Variants in RNF130 observed in about 807,000 individuals in gnomAD.
RNF130 encodes the protein ring finger protein 130.
RNF130 carries 21 observed loss-of-function variants against 44.6 expected under a neutral mutation model. That is an observed-to-expected ratio of 0.47 (90% CI 0.33 to 0.68). The LOEUF is 0.68. RNF130 is among the 30% of genes least tolerant of loss of function. The probability of loss-of-function intolerance (pLI) is 0.02; values close to 1 mark genes in which losing one functional copy is unlikely to be tolerated. For missense variants in RNF130, 479 were observed against 560.6 expected (o/e 0.85, Z 1.47); for synonymous variants, 214 against 210.4 (o/e 1.02, Z -0.15).
chr5:180,035,108 CCT>C (rs1235698394), intron 2 of RNF130, among the ~76,000 whole-genome samples: 3 of 152,066 alleles, frequency 2.0e-5, no homozygotes, highest in Non-Finnish European at 4.4e-5. Context: ...TTTGTTTGTT[CCT>C]CTTTTTTATA....
chr5:179,989,451 T>C (rs752800850), intron 3 of RNF130, among the ~76,000 whole-genome samples: 4 of 152,222 alleles, frequency 2.6e-5, no homozygotes, highest in Non-Finnish European at 4.4e-5. Context: ...GGTGTATAAA[T>C]ATTTTGAATT....
intron 3 of RNF130, among the ~76,000 whole-genome samples, chr5:179,989,507 C>T (rs77786230): frequency 0.012 from 1,876 of 152,198 alleles, 39 homozygotes; most frequent in African/African-American, 0.043. Context: ...TATCTATTTA[C>T]GTTTTTTAAT....
intron 2 of RNF130, among the ~76,000 whole-genome samples, chr5:180,021,615 AAATAAT>A (rs1434002589): frequency 6.6e-6 from 1 of 151,934 alleles, no homozygotes; most frequent in Non-Finnish European, 1.5e-5. Context: ...ATTCATTTAA[AAATAAT>A]AATAATTATT....
rs573417037 is a variant in RNF130, at chr5:180,060,721, T to C, written c.247+10735A>G. 2.0e-4 allele frequency among the ~76,000 whole-genome samples: 30 copies of C among 152,300 alleles called. 1 individual carries two copies. The South Asian group carries it at 6.2e-3, about 32-fold the overall frequency. On this transcript the variant is annotated intron_variant, in intron 1 of 8. Coordinates refer to ENST00000521389, the MANE Select transcript of RNF130 (RefSeq NM_018434.6). Reference sequence around the variant, plus strand: ...TCTTCTGGAGAAAGGTACACCGCTTTCATCACTTATCAAAGGGGATCTATA... The same window carrying C: ...TCTTCTGGAGAAAGGTACACCGCTTCCATCACTTATCAAAGGGGATCTATA...
At chr5:179,986,621 C>T (rs997341114) in intron 3 of RNF130, among the ~76,000 whole-genome samples, 2 of 152,158 alleles carry the variant, frequency 1.3e-5, no homozygotes, top group African/African-American at 2.4e-5. Context: ...GAAATTATTA[C>T]ATTAATACAG....
At chr5:179,926,257 C>T (rs928019778) in intron 7 of RNF130, among the ~76,000 whole-genome samples, 6 of 152,170 alleles carry the variant, frequency 3.9e-5, no homozygotes, top group Non-Finnish European at 8.8e-5. Context: ...TTCATGTGCC[C>T]GACTACAGCC....
chr5:180,014,142 G>C (rs748064655), intron 2 of RNF130, among the ~76,000 whole-genome samples: 16 of 152,254 alleles, frequency 1.1e-4, no homozygotes, highest in Non-Finnish European at 1.6e-4. Flanking sequence ...GGCTATGCAA[G>C]TTAATTACGA....
At chr5:179,935,964 C>G (rs518075) in intron 7 of RNF130, among the ~76,000 whole-genome samples, 1 of 151,868 alleles carries the variant, frequency 6.6e-6, no homozygotes, top group Non-Finnish European at 1.5e-5. Context: ...TGAGTATCAG[C>G]GTCTCACACA....
intron 1 of RNF130, among the ~76,000 whole-genome samples, chr5:180,051,848 AAAT>A (rs1561708200): frequency 2.6e-5 from 4 of 152,248 alleles, no homozygotes. Flanking sequence ...TCAATTTCAA[AAAT>A]AATAATTTCT....
At chr5:180,062,348 C>T (rs779306259) in intron 1 of RNF130, among the ~76,000 whole-genome samples, 54 of 151,932 alleles carry the variant, frequency 3.6e-4, no homozygotes, top group Non-Finnish European at 5.4e-4. Context: ...GTGTGAGCCA[C>T]TGAGCCCGGT....
chr5:179,946,285 C>G (rs1347570509), intron 7 of RNF130, among the ~76,000 whole-genome samples: 1 of 152,200 alleles, frequency 6.6e-6, no homozygotes, highest in Non-Finnish European at 1.5e-5. Flanking sequence ...CCTGCCATAG[C>G]CGCGCGGGGT....
intron 8 of RNF130, among the ~76,000 whole-genome samples, chr5:179,961,691 G>C (rs1582143265): frequency 6.6e-6 from 1 of 152,132 alleles, no homozygotes; most frequent in South Asian, 2.1e-4. Context: ...CTTGCCTGAT[G>C]GGTTAGCATG....
chr5:179,980,038 A>G lies in RNF130; in HGVS notation c.765+91T>C, dbSNP rs1189860417. ...AGTTGGAGAAAATCTAACGAATGAA[A>G]TGTAAACAATTAGGGTGTGTCCTCT... On this transcript the variant is annotated intron_variant, in intron 4 of 8. Coordinates refer to ENST00000521389, the MANE Select transcript of RNF130 (RefSeq NM_018434.6). 3.9e-6 allele frequency: 4 copies of G among 1,021,382 alleles called. No homozygotes were observed. In the East Asian group the frequency reaches 9.6e-5, roughly 25 times the overall value. The allele number at this position is 1,021,382 out of a possible 1,614,324, so 63.3% of individuals were successfully genotyped here. A position where few individuals can be genotyped will look rare whatever the true frequency, so the allele number is the denominator to read the frequency against.
At chr5:179,927,201 C>T (rs1761719224) in intron 7 of RNF130, among the ~76,000 whole-genome samples, 1 of 152,122 alleles carries the variant, frequency 6.6e-6, no homozygotes, top group South Asian at 2.1e-4. Context: ...AAATATAATG[C>T]AAACAGAGGA....
intron 2 of RNF130, among the ~76,000 whole-genome samples, chr5:180,031,321 T>C (rs1764126270): frequency 6.6e-6 from 1 of 152,154 alleles, no homozygotes; most frequent in South Asian, 2.1e-4. Context: ...ACCCCAACTC[T>C]AGTGAAAATA....
At chr5:180,037,210 C>A (rs1764268855) in intron 2 of RNF130, among the ~76,000 whole-genome samples, 3 of 152,314 alleles carry the variant, frequency 2.0e-5, no homozygotes, top group Admixed American at 1.3e-4. Context: ...TGCTGTAACA[C>A]TCTCCTACGT....
chr5:180,037,946 T>C (rs1015087141), intron 2 of RNF130, among the ~76,000 whole-genome samples: 1 of 152,216 alleles, frequency 6.6e-6, no homozygotes, highest in African/African-American at 2.4e-5. Flanking sequence ...TACCCCTGCA[T>C]TTCTTTAATT....
intron 7 of RNF130, 130 bp downstream of exon 7, chr5:179,966,676 G>C (rs1762455668): frequency 1.4e-6 from 1 of 733,174 alleles, no homozygotes; most frequent in Non-Finnish European, 2.3e-6. Flanking sequence ...TGTTTTAACA[G>C]CAACACACAT....
In RNF130 at chr5:179,966,901, A is replaced by G. The variant is rs1762463851; in HGVS notation, c.1055T>C (p.Leu352Pro). Residue 352 changes from leucine to proline, a missense_variant, in exon 7 of 9, where the codon CTT (leucine) becomes CCT (proline). Physicochemically the swap from Leu to Pro is moderately conservative, Grantham distance 98. Around this residue, in one of 3 missense-constraint regions of RNF130, gnomAD observed 161 missense variants for 158.6 expected, o/e 1.02. Transcript: ENST00000521389. Reference protein sequence around the residue: ...ALGDLAGDNSLGLEPLRTSGI... With the variant: ...ALGDLAGDNSPGLEPLRTSGI... ...CGAAGTTCGAAGTGGCTCAAGGCCA[A>G]GGGAGTTGTCGCCGGCGAGGTCGCC... 6.2e-7 allele frequency: 1 copy of G among 1,614,246 alleles called. No individual in the cohort carries two copies. Among genetic ancestry groups the G allele is most frequent in the Non-Finnish European group, 8.5e-7 (1 of 1,180,038 alleles).
Sources: gnomAD v4.1 joint callset for allele counts (sites outside exome capture counted in the v4.1 genomes callset) on GRCh38, gnomAD v4.1.1 for gene constraint, gnomAD v4.1.1 regional missense constraint, MANE v1.5 for transcripts, NCBI Gene and HGNC (gene_info 2026-07-23, HGNC 2026-07-21) for gene names.